The following SV2C variants were observed in gnomAD, a reference collection of about 807,000 sequenced individuals.
SV2C encodes synaptic vesicle glycoprotein 2C.
In SV2C, 49 loss-of-function variants were observed where a neutral mutation model predicts 79.7. The observed-to-expected ratio is 0.61, with a 90% CI of 0.49 to 0.78. The LOEUF (loss-of-function observed/expected upper bound fraction) is 0.78, where lower values mean the gene tolerates loss of function less well. Ranked by LOEUF, SV2C falls within the 30% of genes least tolerant of loss-of-function variation. The pLI, the probability that SV2C is intolerant of heterozygous loss-of-function variation, is 0.00. For missense variants in SV2C, 833 were observed against 912.9 expected (o/e 0.91, Z 1.13); for synonymous variants, 334 against 333.2 (o/e 1.00, Z -0.03).
chr5:75,976,201 A>G, the SV2C span, among the ~76,000 whole-genome samples: 3 of 152,204 alleles, frequency 2.0e-5, no homozygotes, highest in African/African-American at 7.2e-5. Context: ...CAGTCTGCTC[A>G]TTTCCATGCC....
At chr5:76,267,900 T>C (rs941382579) in intron 4 of SV2C, among the ~76,000 whole-genome samples, 1 of 152,188 alleles carries the variant, frequency 6.6e-6, no homozygotes, top group African/African-American at 2.4e-5. Context: ...GTGTTTCTCA[T>C]TGTGCAGACC....
the SV2C span, among the ~76,000 whole-genome samples, chr5:75,851,801 C>A: frequency 6.6e-6 from 1 of 152,188 alleles, no homozygotes; most frequent in Non-Finnish European, 1.5e-5. Flanking sequence ...AGGCGCATGG[C>A]GCCACGCCAG....
intron 4 of SV2C, among the ~76,000 whole-genome samples, chr5:76,256,616 A>G (rs1454183768): frequency 6.6e-6 from 1 of 152,194 alleles, no homozygotes; most frequent in Non-Finnish European, 1.5e-5. Flanking sequence ...AATTCAGTCT[A>G]TCAGAGGGCT....
At chr5:76,319,374 C>T (rs953959151) in intron 12 of SV2C, among the ~76,000 whole-genome samples, 12 of 151,808 alleles carry the variant, frequency 7.9e-5, no homozygotes, top group South Asian at 2.1e-4. Context: ...GCCATGATCG[C>T]GCCACTGCAC....
At chr5:75,915,604 C>T in the SV2C span, among the ~76,000 whole-genome samples, 2 of 152,100 alleles carry the variant, frequency 1.3e-5, no homozygotes, top group Non-Finnish European at 1.5e-5. Flanking sequence ...CTATTGAAAG[C>T]GTGAAAATAA....
At chr5:76,242,866 C>A (rs1745830059) in intron 4 of SV2C, among the ~76,000 whole-genome samples, 1 of 151,550 alleles carries the variant, frequency 6.6e-6, no homozygotes, top group Non-Finnish European at 1.5e-5. Context: ...GACCCCATAT[C>A]TACAAAAAAT....
intron 2 of SV2C, among the ~76,000 whole-genome samples, chr5:76,147,539 TCTC>T (rs1393418491): frequency 6.6e-6 from 1 of 152,194 alleles, no homozygotes; most frequent in Admixed American, 6.5e-5. Context: ...CACAACGGCC[TCTC>T]CTCTGTCTGG....
chr5:75,849,376 A>T, the SV2C span, among the ~76,000 whole-genome samples: 2 of 151,918 alleles, frequency 1.3e-5, no homozygotes, highest in African/African-American at 4.9e-5. Context: ...CTTACAATAG[A>T]AAAGGAACAG....
At chr5:76,197,192 A>G (rs539683228) in intron 3 of SV2C, among the ~76,000 whole-genome samples, 1 of 152,332 alleles carries the variant, frequency 6.6e-6, no homozygotes, top group South Asian at 2.1e-4. Flanking sequence ...GAGATGATGT[A>G]TTGAAAGTAC....
intron 1 of SV2C, among the ~76,000 whole-genome samples, chr5:76,085,856 C>CACACACACACACACAA (rs1475831395): frequency 6.6e-6 from 1 of 151,778 alleles, no homozygotes; most frequent in African/African-American, 2.4e-5. Context: ...CACACACACA[C>CACACACACACACACAA]ACAGAATTTT....
intron 4 of SV2C, among the ~76,000 whole-genome samples, chr5:76,240,461 C>T (rs763126609): frequency 6.6e-6 from 1 of 152,158 alleles, no homozygotes; most frequent in Admixed American, 6.5e-5. Context: ...GACTCAGCCT[C>T]GAAGTGCAGG....
At chr5:76,348,871 G>C (rs573612142) in intron 12 of SV2C, among the ~76,000 whole-genome samples, 1 of 152,132 alleles carries the variant, frequency 6.6e-6, no homozygotes, top group East Asian at 1.9e-4. Flanking sequence ...GTGGTGGCAG[G>C]TGCCTATAAT....
chr5:76,003,168 G>C, the SV2C span, among the ~76,000 whole-genome samples: 2 of 152,176 alleles, frequency 1.3e-5, no homozygotes, highest in South Asian at 4.2e-4. Context: ...ATTATTGTAG[G>C]TTTTCTGAGG....
chr5:76,228,337 G>A (rs1003454223), intron 4 of SV2C, among the ~76,000 whole-genome samples: 1 of 152,114 alleles, frequency 6.6e-6, no homozygotes, highest in Non-Finnish European at 1.5e-5. Flanking sequence ...AGTGCGACAG[G>A]GCAGAAGACA....
the SV2C span, chr5:75,911,894 T>C: frequency 1.9e-6 from 1 of 513,096 alleles, no homozygotes; most frequent in Middle Eastern, 5.4e-4. Context: ...AAGACTCCTC[T>C]CACCCCACAC....
At chr5:76,275,486 CAA>C (rs113061927) in intron 4 of SV2C, among the ~76,000 whole-genome samples, 3 of 118,096 alleles carry the variant, frequency 2.5e-5, no homozygotes, top group Non-Finnish European at 3.7e-5. Context: ...AAGTCTGTCT[CAA>C]AAAAAAAAAA....
intron 2 of SV2C, chr5:76,173,828 T>A: frequency 1.9e-6 from 3 of 1,597,744 alleles, no homozygotes; most frequent in Non-Finnish European, 2.6e-6. Context: ...ATCTTCCAAG[T>A]CACACTTATT....
chr5:76,133,494 A>G (rs1269428489), intron 2 of SV2C, among the ~76,000 whole-genome samples: 1 of 152,250 alleles, frequency 6.6e-6, no homozygotes, highest in East Asian at 1.9e-4. Context: ...ATACTCATGA[A>G]TGAGAAAATG....
intron 1 of SV2C, among the ~76,000 whole-genome samples, chr5:76,125,320 A>G (rs1422591537): frequency 6.6e-6 from 1 of 152,122 alleles, no homozygotes; most frequent in Non-Finnish European, 1.5e-5. Flanking sequence ...TTATTTTAGA[A>G]ATATTATTTT....
Sources: gnomAD v4.1 joint callset for allele counts (sites outside exome capture counted in the v4.1 genomes callset) on GRCh38, gnomAD v4.1.1 for gene constraint, MANE v1.5 for transcripts, NCBI Gene and HGNC (gene_info 2026-07-23, HGNC 2026-07-21) for gene names.